Variants in ZNF385D observed in about 807,000 individuals in gnomAD.
ZNF385D encodes zinc finger protein 659.
Under a neutral mutation model 35.8 loss-of-function variants are expected in ZNF385D, and 15 were observed. The observed-to-expected ratio is 0.42, with a 90% CI of 0.28 to 0.64. The LOEUF is 0.64. ZNF385D is among the 30% of genes least tolerant of loss of function. The pLI, the probability that ZNF385D is intolerant of heterozygous loss-of-function variation, is 0.23. For synonymous variants in ZNF385D, 212 were observed against 186.8 expected, an observed-to-expected ratio of 1.13 and a Z score of -1.10; for missense variants, 474 against 494.6, an observed-to-expected ratio of 0.96 and a Z score of 0.39.
intron 3 of ZNF385D, among the ~76,000 whole-genome samples, chr3:22,000,964 A>G (rs570394261): frequency 6.6e-6 from 1 of 152,078 alleles, no homozygotes; most frequent in Non-Finnish European, 1.5e-5. Flanking sequence ...AAAATATAAA[A>G]TAAAATAAAA....
intron 3 of ZNF385D, among the ~76,000 whole-genome samples, chr3:22,045,619 G>T (rs908288198): frequency 6.6e-6 from 1 of 152,040 alleles, no homozygotes; most frequent in Non-Finnish European, 1.5e-5. Context: ...GTTTTCTGTG[G>T]GTTTTACTCT....
chr3:22,041,313 T>C (rs1418932261), intron 3 of ZNF385D, among the ~76,000 whole-genome samples: 2 of 152,108 alleles, frequency 1.3e-5, no homozygotes, highest in East Asian at 1.9e-4. Context: ...AGTACTCTGA[T>C]TGGCAAGGCA....
chr3:22,079,287 C>T (rs2336749), intron 3 of ZNF385D, among the ~76,000 whole-genome samples: 118,152 of 151,480 alleles, frequency 0.78, 46,923 homozygotes, highest in Non-Finnish European at 0.84. Context: ...GATATATCTG[C>T]TTTGTAAATA....
At chr3:21,580,693 T>A (rs999819676) in intron 2 of ZNF385D, among the ~76,000 whole-genome samples, 6 of 151,790 alleles carry the variant, frequency 4.0e-5, no homozygotes, top group African/African-American at 1.5e-4. Flanking sequence ...TCCAAGATAA[T>A]ATATATATAT....
intron 3 of ZNF385D, among the ~76,000 whole-genome samples, chr3:21,970,607 T>TAGAGAGAG (rs373534656): frequency 6.8e-6 from 1 of 148,104 alleles, no homozygotes; most frequent in East Asian, 2.0e-4. Context: ...CCTTAAAGAG[T>TAGAGAGAG]AGAGAGAGAG....
chr3:22,250,222 T>C (rs1310084107), intron 2 of ZNF385D, among the ~76,000 whole-genome samples: 1 of 152,152 alleles, frequency 6.6e-6, no homozygotes, highest in Admixed American at 6.6e-5. Context: ...AAAATTTCTT[T>C]ATAGATATAT....
At chr3:22,035,315 G>T (rs1363029637) in intron 3 of ZNF385D, among the ~76,000 whole-genome samples, 2 of 152,118 alleles carry the variant, frequency 1.3e-5, no homozygotes, top group Non-Finnish European at 2.9e-5. Context: ...GGACAGTCTT[G>T]TTCCCAGTGC....
intron 1 of ZNF385D, among the ~76,000 whole-genome samples, chr3:21,735,125 G>C (rs1187814143): frequency 6.6e-6 from 1 of 152,168 alleles, no homozygotes; most frequent in Non-Finnish European, 1.5e-5. Context: ...TGCAAATAAT[G>C]GCAGGCTGGA....
chr3:21,666,904 TC>T (rs1281531824), intron 1 of ZNF385D, among the ~76,000 whole-genome samples: 1 of 151,908 alleles, frequency 6.6e-6, no homozygotes, highest in Non-Finnish European at 1.5e-5. Flanking sequence ...ACGGCGAAAC[TC>T]CATCTCTACT....
chr3:21,776,231 C>T (rs2071281564), intron 3 of ZNF385D, among the ~76,000 whole-genome samples: 1 of 151,846 alleles, frequency 6.6e-6, no homozygotes, highest in East Asian at 1.9e-4. Context: ...GGACATCCTC[C>T]TCCATTAGTT....
At chr3:22,095,212 C>T (rs549053491) in intron 3 of ZNF385D, among the ~76,000 whole-genome samples, 48 of 149,856 alleles carry the variant, frequency 3.2e-4, no homozygotes, top group African/African-American at 1.0e-3. Flanking sequence ...CAGGTGTGAA[C>T]GATAGCACCT....
At chr3:21,467,988 A>T (rs1448675734) in intron 4 of ZNF385D, among the ~76,000 whole-genome samples, 1 of 152,142 alleles carries the variant, frequency 6.6e-6, no homozygotes, top group African/African-American at 2.4e-5. Flanking sequence ...GGGAATGCAA[A>T]ATGGTAAAAT....
intron 3 of ZNF385D, among the ~76,000 whole-genome samples, chr3:22,011,047 A>G (rs1696539910): frequency 6.6e-6 from 1 of 152,104 alleles, no homozygotes; most frequent in African/African-American, 2.4e-5. Context: ...CATTAAAGAC[A>G]TGATACATGG....
intron 2 of ZNF385D, among the ~76,000 whole-genome samples, chr3:22,202,719 A>C (rs539541783): frequency 6.6e-6 from 1 of 152,124 alleles, no homozygotes; most frequent in Non-Finnish European, 1.5e-5. Flanking sequence ...CAGATGCAGG[A>C]TATGGACAGA....
chr3:22,162,912 G>A (rs1328202035), intron 3 of ZNF385D, among the ~76,000 whole-genome samples: 1 of 152,164 alleles, frequency 6.6e-6, no homozygotes, highest in Non-Finnish European at 1.5e-5. Flanking sequence ...AGTCTAAGAT[G>A]ATTTTGTGTG....
chr3:21,564,710 C>A, intron 2 of ZNF385D, 26 bp from the exon 3 acceptor site: 1 of 1,412,860 alleles, frequency 7.1e-7, no homozygotes, highest in Non-Finnish European at 9.6e-7. Context: ...AGAAATACAA[C>A]AAATAGAAAT....
chr3:21,538,985 A>C (rs1182511991), intron 3 of ZNF385D, among the ~76,000 whole-genome samples: 1 of 152,110 alleles, frequency 6.6e-6, no homozygotes, highest in East Asian at 1.9e-4. Context: ...AAAAAACCAT[A>C]CTGTGGGCTA....
intron 2 of ZNF385D, among the ~76,000 whole-genome samples, chr3:21,609,060 C>T (rs2064586967): frequency 6.6e-6 from 1 of 152,168 alleles, no homozygotes; most frequent in Admixed American, 6.5e-5. Flanking sequence ...TGAGGAGTTA[C>T]CTGGGAGTTG....
intron 3 of ZNF385D, among the ~76,000 whole-genome samples, chr3:22,045,327 T>C (rs553788353): frequency 6.6e-6 from 1 of 152,118 alleles, no homozygotes; most frequent in African/African-American, 2.4e-5. Flanking sequence ...ATAATAAATA[T>C]AACATAATAA....
Sources: allele counts gnomAD v4.1 joint callset (sites outside exome capture counted in the v4.1 genomes callset), GRCh38; gene constraint gnomAD v4.1.1; transcripts MANE v1.5; gene names NCBI Gene and HGNC (gene_info 2026-07-23, HGNC 2026-07-21).